PDE1C: variants seen among roughly 807,000 people sequenced by gnomAD.
PDE1C encodes the protein phosphodiesterase 1C, also known as dual specificity calcium/calmodulin-dependent 3',5'-cyclic nucleotide phosphodiesterase 1C.
A neutral mutation model predicts 93.1 loss-of-function variants in PDE1C; 62 were observed. The observed-to-expected ratio is 0.67, with a 90% CI of 0.54 to 0.82. The LOEUF is 0.82. PDE1C is among the 40% of genes least tolerant of loss of function. The pLI, the probability that PDE1C is intolerant of heterozygous loss-of-function variation, is 0.00. For missense variants in PDE1C, 742 were observed against 884.6 expected (o/e 0.84, Z 2.04); for synonymous variants, 325 against 310.1 (o/e 1.05, Z -0.50).
intron 1 of PDE1C, among the ~76,000 whole-genome samples, chr7:32,285,759 G>C (rs572384167): frequency 2.1e-4 from 30 of 145,740 alleles, no homozygotes; most frequent in East Asian, 4.1e-4. Flanking sequence ...GAGAAGAGAG[G>C]GGGGAGAGAG....
chr7:32,151,799 A>G (rs1169256988), intron 3 of PDE1C, among the ~76,000 whole-genome samples: 1 of 152,176 alleles, frequency 6.6e-6, no homozygotes, highest in East Asian at 1.9e-4. Context: ...GAGAACGAAG[A>G]AATTTTTGAG....
chr7:31,723,756 G>C, the PDE1C span, among the ~76,000 whole-genome samples: 1 of 152,172 alleles, frequency 6.6e-6, no homozygotes, highest in Non-Finnish European at 1.5e-5. Flanking sequence ...GGATAATAGG[G>C]CTGGGAGAAA....
At chr7:32,075,064 G>C (rs1010607338), upstream of PDE1C, among the ~76,000 whole-genome samples, 1 of 152,280 alleles carries the variant, frequency 6.6e-6, no homozygotes, top group Admixed American at 6.5e-5. Context: ...CAGCTCTCCA[G>C]GAAGCTGCCA....
chr7:32,263,757 C>A (rs987065725), intron 1 of PDE1C, among the ~76,000 whole-genome samples: 1 of 152,140 alleles, frequency 6.6e-6, no homozygotes, highest in African/African-American at 2.4e-5. Context: ...CACCCTCCCC[C>A]CAACACTTTT....
At chr7:32,148,509 C>G (rs934502622) in intron 3 of PDE1C, among the ~76,000 whole-genome samples, 2 of 152,116 alleles carry the variant, frequency 1.3e-5, no homozygotes, top group Non-Finnish European at 2.9e-5. Context: ...GATTCACATA[C>G]TCAAGTTGTT....
the PDE1C span, among the ~76,000 whole-genome samples, chr7:31,719,573 A>G: frequency 6.6e-6 from 1 of 152,206 alleles, no homozygotes; most frequent in Non-Finnish European, 1.5e-5. Context: ...CAGGACACAA[A>G]GATCTTTCCT....
intron 1 of PDE1C, among the ~76,000 whole-genome samples, chr7:32,420,124 T>TATATATATATACACACAC (rs1207972839): frequency 7.6e-5 from 1 of 13,096 alleles, no homozygotes; most frequent in Non-Finnish European, 1.4e-4. Context: ...TATATATATA[T>TATATATATATACACACAC]ACACACACAC....
chr7:32,089,406 G>C (rs776910278), intron 3 of PDE1C, among the ~76,000 whole-genome samples: 13 of 152,162 alleles, frequency 8.5e-5, no homozygotes, highest in Non-Finnish European at 1.2e-4. Flanking sequence ...GGCTAGCTCT[G>C]TGTCTGATCA....
At chr7:32,219,491 CTT>C (rs537783029) in intron 1 of PDE1C, among the ~76,000 whole-genome samples, 242 of 152,296 alleles carry the variant, frequency 1.6e-3, no homozygotes, top group African/African-American at 5.6e-3. Flanking sequence ...AGGGATGTGA[CTT>C]TATCTAAGAG....
the PDE1C span, among the ~76,000 whole-genome samples, chr7:31,742,620 T>G: frequency 6.6e-6 from 1 of 152,182 alleles, no homozygotes; most frequent in Middle Eastern, 3.2e-3. Flanking sequence ...CCTAAGATCT[T>G]TGCGTTCCAC....
At chr7:31,772,876 C>A (rs574426348) in intron 17 of PDE1C, among the ~76,000 whole-genome samples, 1 of 152,352 alleles carries the variant, frequency 6.6e-6, no homozygotes, top group South Asian at 2.1e-4. Flanking sequence ...TCTTCTACAG[C>A]TATGAGATGG....
At position 31,761,417 on chromosome 7, in the gene PDE1C, C is replaced by T. The variant is rs139429624; in HGVS notation, c.1961-7864G>A. Among the ~76,000 whole-genome samples the T allele has an allele frequency of 3.7e-4, 56 of 152,312 alleles. 1 individual carries two copies. The highest frequency in any genetic ancestry group is 1.3e-3 in the African/African-American group (55 of 41,554). The stretch of plus-strand genomic sequence containing the variant: ...ACAAAAGTAAGTCATCCCCTAACCC[C>T]ACTTTAAAATAGTTTGTGGCAATGG... On this transcript the variant is annotated intron_variant, in intron 17 of 17. Coordinates refer to ENST00000396191, the MANE Select transcript of PDE1C (RefSeq NM_001191057.4).
At chr7:31,864,441 G>A (rs528408142) in intron 7 of PDE1C, among the ~76,000 whole-genome samples, 13 of 152,286 alleles carry the variant, frequency 8.5e-5, no homozygotes, top group Admixed American at 2.0e-4. Flanking sequence ...ATTTCAAATG[G>A]TTAGAAGTAA....
At chr7:31,707,808 G>A in the PDE1C span, 1 of 154,110 alleles carries the variant, frequency 6.5e-6, no homozygotes, top group African/African-American at 2.4e-5. Context: ...TGTCTCTGGT[G>A]ATGTTCCTAA....
intron 16 of PDE1C, 146 bp from the exon 17 acceptor site, chr7:31,775,878 T>G: frequency 1.5e-6 from 1 of 679,572 alleles, no homozygotes; most frequent in South Asian, 1.8e-5. Context: ...GTGGTGCATA[T>G]TCTGTGGTCC....
the PDE1C span, among the ~76,000 whole-genome samples, chr7:31,623,163 T>C: frequency 6.6e-6 from 1 of 152,172 alleles, no homozygotes; most frequent in Non-Finnish European, 1.5e-5. Flanking sequence ...ACAGCCGAAT[T>C]CTACCAGAGG....
intron 17 of PDE1C, among the ~76,000 whole-genome samples, chr7:31,772,127 C>A (rs1795531166): frequency 6.6e-6 from 1 of 152,060 alleles, no homozygotes; most frequent in Non-Finnish European, 1.5e-5. Context: ...GTTACTTCCA[C>A]CTCCTCCCTT....
intron 2 of PDE1C, among the ~76,000 whole-genome samples, chr7:32,002,093 T>C (rs956302588): frequency 6.6e-6 from 1 of 152,130 alleles, no homozygotes; most frequent in African/African-American, 2.4e-5. Flanking sequence ...TCTGACTTAG[T>C]GCTGAAGACT....
chr7:32,337,960 C>T (rs936050421), intron 1 of PDE1C, among the ~76,000 whole-genome samples: 8 of 152,064 alleles, frequency 5.3e-5, no homozygotes, highest in Admixed American at 1.3e-4. Context: ...TTACCTTACA[C>T]GCTCTACAAA....
Sources: gnomAD v4.1 joint callset for allele counts (sites outside exome capture counted in the v4.1 genomes callset) on GRCh38, gnomAD v4.1.1 for gene constraint, MANE v1.5 for transcripts, NCBI Gene and HGNC (gene_info 2026-07-23, HGNC 2026-07-21) for gene names.